MCUB: variants seen among roughly 807,000 people sequenced by gnomAD.
The protein encoded by MCUB is calcium uniporter regulatory subunit MCUb, mitochondrial.
A neutral mutation model predicts 41.4 loss-of-function variants in MCUB; 46 were observed. The ratio of observed to expected loss-of-function variants is 1.11; its 90% confidence interval spans 0.88 to 1.42. The LOEUF (loss-of-function observed/expected upper bound fraction) is 1.42, where lower values mean the gene tolerates loss of function less well. Ranked by LOEUF, MCUB falls within the 40% of genes most tolerant of loss-of-function variation. The pLI is 0.00. For synonymous variants in MCUB, 148 were observed against 148.2 expected, an observed-to-expected ratio of 1.00 and a Z score of 0.01; for missense variants, 403 against 404.9, an observed-to-expected ratio of 1.00 and a Z score of 0.04.
chr4:109,581,126 A>G (rs2126126651), intron 1 of MCUB, among the ~76,000 whole-genome samples: 1 of 152,354 alleles, frequency 6.6e-6, no homozygotes, highest in South Asian at 2.1e-4. Context: ...CTGACTTCAA[A>G]CTATGCTACA....
intron 7 of MCUB, 72 bp from the exon 8 acceptor site, chr4:109,687,443 T>G (rs1045809267): frequency 1.9e-6 from 2 of 1,034,418 alleles, no homozygotes; most frequent in Non-Finnish European, 3.0e-6. Flanking sequence ...GTTTATAGAA[T>G]TCCTCTCAAG....
At chr4:109,600,643 G>A (rs1215308949) in intron 1 of MCUB, among the ~76,000 whole-genome samples, 1 of 152,120 alleles carries the variant, frequency 6.6e-6, no homozygotes, top group African/African-American at 2.4e-5. Flanking sequence ...CTGTCAGCTG[G>A]TGGTAGGAAT....
At chr4:109,568,180 C>T (rs893306694) in intron 1 of MCUB, among the ~76,000 whole-genome samples, 2 of 152,164 alleles carry the variant, frequency 1.3e-5, no homozygotes, top group African/African-American at 2.4e-5. Context: ...ATACTCATTT[C>T]TGTAACTCGG....
chr4:109,587,073 A>G (rs1358117093), intron 1 of MCUB, among the ~76,000 whole-genome samples: 1 of 152,222 alleles, frequency 6.6e-6, no homozygotes, highest in Non-Finnish European at 1.5e-5. Context: ...GGTGGAGTCT[A>G]CAGAGGCAGC....
intron 1 of MCUB, among the ~76,000 whole-genome samples, chr4:109,625,581 AG>A (rs1032707889): frequency 6.6e-6 from 1 of 152,246 alleles, no homozygotes; most frequent in Non-Finnish European, 1.5e-5. Context: ...TTAATAGGTT[AG>A]GTGCATTTTC....
intron 1 of MCUB, among the ~76,000 whole-genome samples, chr4:109,569,858 C>G (rs899254002): frequency 5.3e-5 from 8 of 152,122 alleles, no homozygotes; most frequent in Non-Finnish European, 1.2e-4. Context: ...AGTGGCTGAC[C>G]AGCCAACCAA....
chr4:109,675,154 G>A (rs945922895), intron 4 of MCUB, among the ~76,000 whole-genome samples: 1 of 152,232 alleles, frequency 6.6e-6, no homozygotes, highest in African/African-American at 2.4e-5. Context: ...ATTAGGAAAT[G>A]CCACAGACAA....
chr4:109,655,158 A>T (rs1729062345), intron 1 of MCUB, among the ~76,000 whole-genome samples: 1 of 152,232 alleles, frequency 6.6e-6, no homozygotes. Context: ...ATTCTAAAGG[A>T]TACAGCTAAA....
intron 1 of MCUB, among the ~76,000 whole-genome samples, chr4:109,615,871 A>C (rs964045968): frequency 6.6e-6 from 1 of 152,220 alleles, no homozygotes; most frequent in Non-Finnish European, 1.5e-5. Context: ...CACTATATGT[A>C]GTGCTGAGGG....
At chr4:109,570,769 A>G (rs1726895345) in intron 1 of MCUB, among the ~76,000 whole-genome samples, 1 of 152,228 alleles carries the variant, frequency 6.6e-6, no homozygotes, top group Non-Finnish European at 1.5e-5. Context: ...GTACGTTAAT[A>G]AGGACCAATT....
At chr4:109,614,029 T>G (rs1293954413) in intron 1 of MCUB, among the ~76,000 whole-genome samples, 1 of 152,216 alleles carries the variant, frequency 6.6e-6, no homozygotes, top group African/African-American at 2.4e-5. Context: ...TAGGTTCATG[T>G]ATCCACCACC....
Position 109,682,758 on chromosome 4 carries a change from G to A in MCUB, c.612+16G>A, listed in dbSNP as rs369544747. 2.4e-5 allele frequency: 38 copies of A among 1,591,446 alleles called. No individual in the cohort carries two copies. The highest frequency in any genetic ancestry group is 6.8e-5 in the African/African-American group (5 of 73,738). On this transcript the variant is annotated intron_variant, in intron 5 of 7. Transcript: ENST00000394650. Reference sequence around the variant, plus strand: ...CCTTGAACAGGTTAGGAAGCATCACGGTTGAGTATATTTGAAAATAATACC... The same window carrying A: ...CCTTGAACAGGTTAGGAAGCATCACAGTTGAGTATATTTGAAAATAATACC...
intron 4 of MCUB, among the ~76,000 whole-genome samples, chr4:109,673,209 G>A (rs1002671656): frequency 6.6e-6 from 1 of 152,166 alleles, no homozygotes; most frequent in South Asian, 2.1e-4. Flanking sequence ...CACCCTGGAA[G>A]GTCTTTCACT....
At chr4:109,603,356 C>T (rs774211086) in intron 1 of MCUB, among the ~76,000 whole-genome samples, 7 of 152,226 alleles carry the variant, frequency 4.6e-5, no homozygotes, top group African/African-American at 1.2e-4. Context: ...CTCGGCCTCC[C>T]GAGGTGCCCG....
chr4:109,653,840 G>T (rs1442769851), intron 1 of MCUB, among the ~76,000 whole-genome samples: 1 of 152,240 alleles, frequency 6.6e-6, no homozygotes, highest in Non-Finnish European at 1.5e-5. Flanking sequence ...CTTCCAAAGT[G>T]CTGGGATTAC....
chr4:109,645,928 T>C (rs1312948183), intron 1 of MCUB, among the ~76,000 whole-genome samples: 1 of 152,140 alleles, frequency 6.6e-6, no homozygotes, highest in Non-Finnish European at 1.5e-5. Context: ...ACTCTCTCAC[T>C]ACCTCTCACG....
intron 1 of MCUB, among the ~76,000 whole-genome samples, chr4:109,613,107 A>G (rs1728054166): frequency 6.6e-6 from 1 of 152,182 alleles, no homozygotes; most frequent in African/African-American, 2.4e-5. Context: ...CTCCATCTCA[A>G]AAAAGAAAAA....
intron 1 of MCUB, among the ~76,000 whole-genome samples, chr4:109,658,151 A>G (rs1395818310): frequency 6.6e-6 from 1 of 152,162 alleles, no homozygotes; most frequent in Non-Finnish European, 1.5e-5. Flanking sequence ...AACTAATTTA[A>G]ATAACCACAT....
At chr4:109,588,159 T>G (rs973112217) in intron 1 of MCUB, among the ~76,000 whole-genome samples, 2 of 152,234 alleles carry the variant, frequency 1.3e-5, no homozygotes, top group African/African-American at 2.4e-5. Flanking sequence ...TTCACATTAG[T>G]GTCCTAACTG....
Sources: allele counts gnomAD v4.1 joint callset (sites outside exome capture counted in the v4.1 genomes callset), GRCh38; gene constraint gnomAD v4.1.1; transcripts MANE v1.5; gene names NCBI Gene and HGNC (gene_info 2026-07-23, HGNC 2026-07-21).